Variants in SWAP70 observed in about 807,000 individuals in gnomAD.
SWAP70 encodes the protein switch-associated protein 70.
In SWAP70, 34 loss-of-function variants were observed where a neutral mutation model predicts 80.2. The observed-to-expected ratio is 0.42, with a 90% CI of 0.32 to 0.56. The LOEUF (loss-of-function observed/expected upper bound fraction) is 0.56. Ranked by LOEUF, SWAP70 falls within the 20% of genes least tolerant of loss-of-function variation. The probability of loss-of-function intolerance (pLI) is 0.09; values close to 1 mark genes in which losing one functional copy is unlikely to be tolerated. For synonymous variants in SWAP70, 239 were observed against 238.5 expected, an observed-to-expected ratio of 1.00 and a Z score of -0.02; for missense variants, 578 against 690.7, an observed-to-expected ratio of 0.84 and a Z score of 1.83.
At chr11:9,743,480 C>G (rs1015169909) in intron 9 of SWAP70, among the ~76,000 whole-genome samples, 1 of 151,474 alleles carries the variant, frequency 6.6e-6, no homozygotes, top group African/African-American at 2.5e-5. Context: ...GCCACACTGA[C>G]TTCCACAAAG....
At chr11:9,695,400 G>A (rs1029025598) in intron 2 of SWAP70, among the ~76,000 whole-genome samples, 18 of 152,058 alleles carry the variant, frequency 1.2e-4, no homozygotes, top group African/African-American at 4.3e-4. Flanking sequence ...CCTGGATAAA[G>A]AAAATGTGGT....
intron 3 of SWAP70, among the ~76,000 whole-genome samples, chr11:9,714,990 T>TTTTTG: frequency 6.7e-6 from 1 of 148,732 alleles, no homozygotes; most frequent in Non-Finnish European, 1.5e-5. Context: ...TTTTTTTTTT[T>TTTTTG]AAGAAACGGG....
Position 9,681,764 on chromosome 11 carries a change from T to C in SWAP70, c.100-12382T>C, listed in dbSNP as rs1850570958. Among the ~76,000 whole-genome samples, 9 of 152,190 alleles carry C rather than the reference T, an allele frequency of 5.9e-5. No individual in the cohort carries two copies. The South Asian group carries it at 1.9e-3, about 31-fold the overall frequency. ...TGCAGAGGAAGGGAACCTATTTAGC[T>C]TGGGGTGAGGACATGAGGAGTTAGC... is the stretch of plus-strand genomic sequence containing the variant. On this transcript the variant is annotated intron_variant, in intron 1 of 11. Transcript: ENST00000318950.
chr11:9,701,085 T>C (rs11042476), intron 2 of SWAP70, among the ~76,000 whole-genome samples: 50,069 of 152,054 alleles, frequency 0.33, 8,511 homozygotes, highest in Non-Finnish European at 0.35. Flanking sequence ...TATTTTACAT[T>C]GATAGAATTA....
chr11:9,728,940 A>G (rs912011401), intron 5 of SWAP70, among the ~76,000 whole-genome samples: 14 of 152,188 alleles, frequency 9.2e-5, no homozygotes, highest in African/African-American at 2.7e-4. Context: ...CAACATTCCA[A>G]GTGCAAGAAG....
rs1851195396 is a variant in SWAP70, at chr11:9,725,345, A to G, written c.642+460A>G. On this transcript the variant is annotated intron_variant, in intron 4 of 11. Transcript: ENST00000318950. ...TATTAGGCTTTCATTAAAAAAAATTATTTGTGCGATTTTAAAGTACAGTTA... is the reference window on the plus strand; with the variant it reads ...TATTAGGCTTTCATTAAAAAAAATTGTTTGTGCGATTTTAAAGTACAGTTA... Among the ~76,000 whole-genome samples the G allele has an allele frequency of 2.7e-5, 4 of 150,650 alleles. No homozygotes were observed. The South Asian group carries it at 6.3e-4, about 24-fold the overall frequency.
rs1011797801 is a variant in SWAP70 at position 9,686,208 on chromosome 11, T to G, written c.100-7938T>G. ...GTAATTAACTTTTCAGTGAATATCT[T>G]TCTTATATATCTCTCTTTCTCCCTT... On this transcript the variant is annotated intron_variant, in intron 1 of 11. Transcript: ENST00000318950. 2.0e-5 allele frequency among the ~76,000 whole-genome samples: 3 copies of G among 151,800 alleles called. No homozygotes were observed. In the East Asian group the frequency reaches 5.8e-4, roughly 29 times the overall value.
intron 3 of SWAP70, among the ~76,000 whole-genome samples, chr11:9,723,536 G>A (rs1028653309): frequency 2.0e-5 from 3 of 152,082 alleles, no homozygotes; most frequent in Non-Finnish European, 2.9e-5. Flanking sequence ...GTGGGGGTTG[G>A]GGAGCAAGAA....
intron 1 of SWAP70, among the ~76,000 whole-genome samples, chr11:9,686,808 A>C (rs1488616748): frequency 6.6e-6 from 1 of 152,158 alleles, no homozygotes; most frequent in African/African-American, 2.4e-5. Flanking sequence ...GATGTTTTAA[A>C]TGTTTTTAAC....
intron 1 of SWAP70, among the ~76,000 whole-genome samples, chr11:9,681,870 G>T (rs1200898167): frequency 6.6e-6 from 1 of 152,194 alleles, no homozygotes; most frequent in African/African-American, 2.4e-5. Flanking sequence ...AGAATACTAT[G>T]ATGAAAGATT....
intron 9 of SWAP70, 137 bp downstream of exon 9, chr11:9,740,484 A>T: frequency 1.1e-6 from 1 of 889,596 alleles, no homozygotes. Context: ...TGCTGTCCAG[A>T]TTAGAAAGAC....
intron 1 of SWAP70, among the ~76,000 whole-genome samples, chr11:9,669,650 G>T (rs1010602966): frequency 9.9e-5 from 15 of 152,176 alleles, no homozygotes; most frequent in African/African-American, 3.6e-4. Context: ...TACTTTGATT[G>T]GAGTGTAGAA....
chr11:9,748,286 A>G (rs1851538091), intron 10 of SWAP70, among the ~76,000 whole-genome samples: 1 of 152,140 alleles, frequency 6.6e-6, no homozygotes, highest in African/African-American at 2.4e-5. Context: ...AAACATTATT[A>G]ACTGTCATAG....
At chr11:9,692,497 A>G (rs1850709122) in intron 1 of SWAP70, among the ~76,000 whole-genome samples, 1 of 151,798 alleles carries the variant, frequency 6.6e-6, no homozygotes, top group Non-Finnish European at 1.5e-5. Context: ...ATCTTTTCAT[A>G]TCCGTACATA....
At chr11:9,722,320 G>A (rs1255191782) in intron 3 of SWAP70, among the ~76,000 whole-genome samples, 1 of 152,212 alleles carries the variant, frequency 6.6e-6, no homozygotes, top group African/African-American at 2.4e-5. Context: ...AGATGAGTGG[G>A]ACATGGTTCC....
rs1195499031 is a variant in SWAP70 at position 9,747,953 on chromosome 11, A to G, written c.1451A>G (p.Glu484Gly). The part of the protein sequence containing the change: ...AIQTTEAEKQ[E>G]LENQRVLKEQ... ...CAGACAACCGAGGCGGAGAAGCAGG[A>G]GTTGGAGAATCAGCGTGTCCTGAAG... Residue 484 changes from glutamate to glycine, a missense_variant, in exon 10 of 12, where the codon GAG (glutamate) becomes GGG (glycine). Glu to Gly is a moderately conservative substitution (Grantham distance 98, BLOSUM62 -2). Coordinates refer to ENST00000318950, the MANE Select transcript of SWAP70 (RefSeq NM_015055.4). 3 of 1,614,204 alleles carry G rather than the reference A, an allele frequency of 1.9e-6. No individual in the cohort carries two copies. Among genetic ancestry groups the G allele is most frequent in the South Asian group, 2.2e-5 (2 of 91,084 alleles).
chr11:9,737,161 A>T (rs907133979), intron 7 of SWAP70, among the ~76,000 whole-genome samples: 1 of 152,252 alleles, frequency 6.6e-6, no homozygotes, highest in Non-Finnish European at 1.5e-5. Context: ...AGTTTCTGCA[A>T]CATGCAGCTG....
At chr11:9,743,677 T>C (rs1590049331) in intron 9 of SWAP70, among the ~76,000 whole-genome samples, 1 of 151,922 alleles carries the variant, frequency 6.6e-6, no homozygotes. Context: ...TTCATGTGTT[T>C]TTTGGCTGCA....
rs1296910457 is a variant in SWAP70, at chr11:9,749,865, T to C, written c.1653T>C (p.Gly551=). The C allele has an allele frequency of 1.9e-6, 3 of 1,608,678 alleles. No homozygotes were observed. Among genetic ancestry groups the C allele is most frequent in the Middle Eastern group, 3.3e-4 (2 of 6,038 alleles). ...HEGLIRLIEP[G]SKNPHLITNW... is the part of the protein sequence containing the mutation. Reference sequence around the variant, plus strand: ...ATTTAAAGCATGTTTGCCTCTTAGGTTCAAAGAACCCTCACCTGATCACTA... The same window carrying C: ...ATTTAAAGCATGTTTGCCTCTTAGGCTCAAAGAACCCTCACCTGATCACTA... The change falls in exon 12 of 12, where the codon GGT becomes GGC. Residue 551 remains glycine, a splice_region_variant and synonymous_variant. Coordinates refer to ENST00000318950, the MANE Select transcript of SWAP70 (RefSeq NM_015055.4).
Sources: gnomAD v4.1 joint callset for allele counts (sites outside exome capture counted in the v4.1 genomes callset) on GRCh38, gnomAD v4.1.1 for gene constraint, MANE v1.5 for transcripts, NCBI Gene and HGNC (gene_info 2026-07-23, HGNC 2026-07-21) for gene names.